PEAK1: variants seen among roughly 807,000 people sequenced by gnomAD.
PEAK1 encodes pseudopodium enriched atypical kinase 1.
Under a neutral mutation model 124.7 loss-of-function variants are expected in PEAK1, and 54 were observed. The ratio of observed to expected loss-of-function variants is 0.43; its 90% CI spans 0.35 to 0.54. The LOEUF (loss-of-function observed/expected upper bound fraction) is 0.54, where lower values mean the gene tolerates loss of function less well. Among genes scored for constraint, PEAK1 ranks in the 20% least tolerant of loss-of-function variants. PEAK1 has a pLI of 0.01. For synonymous variants in PEAK1, 719 were observed against 760.0 expected, an observed-to-expected ratio of 0.95 and a Z score of 0.89; for missense variants, 2,046 against 2,134.5, an observed-to-expected ratio of 0.96 and a Z score of 0.82.
chr15:77,193,434 A>G (rs1382432391), intron 6 of PEAK1, among the ~76,000 whole-genome samples: 1 of 152,190 alleles, frequency 6.6e-6, no homozygotes, highest in East Asian at 1.9e-4. Flanking sequence ...CCTTATTTGT[A>G]TATCCCCTAT....
chr15:77,350,881 T>C (rs1403043933), intron 2 of PEAK1: 16 of 985,136 alleles, frequency 1.6e-5, no homozygotes, highest in Non-Finnish European at 1.9e-5. Context: ...TCAATCACCT[T>C]GGATACGCAG....
intron 5 of PEAK1, among the ~76,000 whole-genome samples, chr15:77,259,509 T>A (rs911567297): frequency 3.9e-5 from 6 of 152,136 alleles, no homozygotes; most frequent in Non-Finnish European, 8.8e-5. Context: ...ATAACAATAC[T>A]GAGAAAAAGT....
At chr15:77,393,838 T>A (rs1185835639) in intron 1 of PEAK1, among the ~76,000 whole-genome samples, 1 of 152,196 alleles carries the variant, frequency 6.6e-6, no homozygotes, top group African/African-American at 2.4e-5. Flanking sequence ...GTTCCCAATT[T>A]CAGGCATTGG....
intron 1 of PEAK1, chr15:77,418,113 T>C (rs1040786968): frequency 1.0e-6 from 1 of 984,170 alleles, no homozygotes; most frequent in Non-Finnish European, 1.2e-6. Flanking sequence ...GTTAATAGGC[T>C]ACAAACATTA....
Position 77,349,965 on chromosome 15 carries a change from C to A in PEAK1, c.-603+15198G>T, listed in dbSNP as rs1243561739. ...CATCTGCTCCATATTCCAAATTCTT[C>A]CTTTAAAAAGGATCAAGCATTATAG... On this transcript the variant is annotated intron_variant, in intron 2 of 9. Transcript: ENST00000682557. The A allele has an allele frequency of 5.1e-6, 5 of 984,840 alleles. No individual in the cohort carries two copies. In the African/African-American group the frequency reaches 8.7e-5, roughly 17 times the overall value. The allele number at this position is 984,840 out of a possible 1,614,324, so 61.0% of individuals were successfully genotyped here.
chr15:77,243,696 G>C (rs1042939315), intron 6 of PEAK1, among the ~76,000 whole-genome samples: 2 of 152,114 alleles, frequency 1.3e-5, no homozygotes, highest in African/African-American at 4.8e-5. Context: ...TGGGCCAGGT[G>C]TGGTGGCTTA....
At chr15:77,253,246 G>GGGGC (rs2060965204) in intron 5 of PEAK1, among the ~76,000 whole-genome samples, 1 of 143,978 alleles carries the variant, frequency 6.9e-6, no homozygotes, top group African/African-American at 2.5e-5. Flanking sequence ...GGTATGCGTT[G>GGGGC]GGGGGGGGGT....
chr15:77,352,102 T>G, intron 2 of PEAK1: 2 of 842,048 alleles, frequency 2.4e-6, no homozygotes, highest in Non-Finnish European at 2.9e-6. Flanking sequence ...TGCCTGTGGT[T>G]CCAGCTACTC....
At chr15:77,350,010 A>G (rs1424941503) in intron 2 of PEAK1, 1 of 984,728 alleles carries the variant, frequency 1.0e-6, no homozygotes, top group East Asian at 1.1e-4. Context: ...TAGGTTTAAG[A>G]AGAAGACATA....
At chr15:77,412,027 G>T (rs1399879008) in intron 1 of PEAK1, among the ~76,000 whole-genome samples, 1 of 152,082 alleles carries the variant, frequency 6.6e-6, no homozygotes, top group African/African-American at 2.4e-5. Flanking sequence ...AACATAACTT[G>T]GTATCTTGCA....
chr15:77,233,720 T>A (rs1166839264), intron 6 of PEAK1, among the ~76,000 whole-genome samples: 1 of 152,254 alleles, frequency 6.6e-6, no homozygotes, highest in Non-Finnish European at 1.5e-5. Context: ...CTTCTTGACA[T>A]CTCCACTTGG....
At chr15:77,277,786 T>G (rs559860540) in intron 5 of PEAK1, among the ~76,000 whole-genome samples, 1 of 152,152 alleles carries the variant, frequency 6.6e-6, no homozygotes, top group Non-Finnish European at 1.5e-5. Flanking sequence ...TCCAACTATA[T>G]GACATTCTGA....
chr15:77,321,514 T>C (rs2065217654), intron 2 of PEAK1, among the ~76,000 whole-genome samples: 1 of 152,236 alleles, frequency 6.6e-6, no homozygotes, highest in Non-Finnish European at 1.5e-5. Flanking sequence ...GATGTTTTTT[T>C]CCTGTAAATT....
At chr15:77,178,472 A>G (rs2057022573) in intron 7 of PEAK1, 1 of 357,734 alleles carries the variant, frequency 2.8e-6, no homozygotes, top group Admixed American at 4.2e-5. Flanking sequence ...TCACACTACC[A>G]TCACATTCCA....
chr15:77,310,332 GT>G (rs2064361595), intron 2 of PEAK1, among the ~76,000 whole-genome samples: 1 of 152,148 alleles, frequency 6.6e-6, no homozygotes, highest in Admixed American at 6.5e-5. Context: ...TCCTAGCTTG[GT>G]CATAGCACTG....
At chr15:77,328,282 A>T (rs764832451) in intron 2 of PEAK1, among the ~76,000 whole-genome samples, 4 of 152,200 alleles carry the variant, frequency 2.6e-5, no homozygotes, top group Non-Finnish European at 5.9e-5. Context: ...CTTGCAGGAT[A>T]TTCTGGCACA....
chr15:77,229,649 CTTTT>C (rs200956203), intron 6 of PEAK1, among the ~76,000 whole-genome samples: 1 of 138,962 alleles, frequency 7.2e-6, no homozygotes, highest in Non-Finnish European at 1.6e-5. Flanking sequence ...TCTTTTCTTT[CTTTT>C]TTTTTTTTTT....
At chr15:77,417,550 T>C (rs1028498805) in intron 1 of PEAK1, 5 of 985,148 alleles carry the variant, frequency 5.1e-6, no homozygotes, top group Non-Finnish European at 6.0e-6. Flanking sequence ...CCTCTTACAC[T>C]GAAAACAGGG....
At chr15:77,417,029 T>A (rs1034126744) in intron 1 of PEAK1, among the ~76,000 whole-genome samples, 1 of 152,136 alleles carries the variant, frequency 6.6e-6, no homozygotes, top group African/African-American at 2.4e-5. Context: ...CTGGACCTAG[T>A]TAACTCTTAC....
Sources: gnomAD v4.1 joint callset for allele counts (sites outside exome capture counted in the v4.1 genomes callset) on GRCh38, gnomAD v4.1.1 for gene constraint, MANE v1.5 for transcripts, NCBI Gene and HGNC (gene_info 2026-07-23, HGNC 2026-07-21) for gene names.